Variants in GABRB3 observed in about 807,000 individuals in gnomAD.
The protein encoded by GABRB3 is gamma-aminobutyric acid type A receptor subunit beta3.
In GABRB3, 14 loss-of-function variants were observed where a neutral mutation model predicts 52.1. That is an observed-to-expected ratio of 0.27 (90% CI 0.18 to 0.42). The LOEUF (loss-of-function observed/expected upper bound fraction) is 0.42, where lower values mean the gene tolerates loss of function less well. Ranked by LOEUF, GABRB3 falls within the 10% of genes least tolerant of loss-of-function variation. GABRB3 has a pLI of 1.00. For synonymous variants in GABRB3, 260 were observed against 232.3 expected, an observed-to-expected ratio of 1.12 and a Z score of -1.08; for missense variants, 307 against 609.1, an observed-to-expected ratio of 0.50 and a Z score of 5.22.
At chr15:26,673,633 C>A (rs1177540869) in intron 3 of GABRB3, among the ~76,000 whole-genome samples, 1 of 152,228 alleles carries the variant, frequency 6.6e-6, no homozygotes, top group African/African-American at 2.4e-5. Context: ...ACTGTGAAAG[C>A]CACCAGAAGC....
intron 3 of GABRB3, among the ~76,000 whole-genome samples, chr15:26,664,428 G>A (rs1887640004): frequency 6.6e-6 from 1 of 152,170 alleles, no homozygotes; most frequent in South Asian, 2.1e-4. Context: ...ATGGGAGGAA[G>A]AGGGATACGC....
chr15:26,552,601 C>G (rs1043722315), intron 8 of GABRB3, among the ~76,000 whole-genome samples: 1 of 152,154 alleles, frequency 6.6e-6, no homozygotes, highest in African/African-American at 2.4e-5. Context: ...CATTCACTAT[C>G]CCTAAGAAGG....
intron 6 of GABRB3, among the ~76,000 whole-genome samples, chr15:26,570,488 C>A (rs1280291567): frequency 3.9e-5 from 6 of 152,222 alleles, no homozygotes; most frequent in Non-Finnish European, 8.8e-5. Context: ...TGTCATGCCA[C>A]AGTCAAAATC....
intron 3 of GABRB3, among the ~76,000 whole-genome samples, chr15:26,638,907 G>A (rs912430335): frequency 2.6e-5 from 4 of 152,102 alleles, no homozygotes; most frequent in Non-Finnish European, 4.4e-5. Context: ...ACGCTCCGCC[G>A]GGAACTAGGA....
chr15:26,734,023 C>CTTTT (rs61468831), intron 3 of GABRB3, among the ~76,000 whole-genome samples: 12 of 73,388 alleles, frequency 1.6e-4, no homozygotes, highest in Admixed American at 5.5e-4. Context: ...AACTATAGGG[C>CTTTT]TTTTTTTTTT....
intron 3 of GABRB3, among the ~76,000 whole-genome samples, chr15:26,723,089 A>G (rs1889685306): frequency 6.6e-6 from 1 of 152,190 alleles, no homozygotes; most frequent in South Asian, 2.1e-4. Context: ...TTCTGCAATC[A>G]TGGTAAGCAC....
intron 3 of GABRB3, among the ~76,000 whole-genome samples, chr15:26,753,065 C>G (rs1890559827): frequency 6.6e-6 from 1 of 152,194 alleles, no homozygotes; most frequent in Non-Finnish European, 1.5e-5. Context: ...GCTGCAGGCT[C>G]TGATACCTCT....
chr15:26,771,056 C>T (rs1405157837), intron 3 of GABRB3, among the ~76,000 whole-genome samples: 6 of 152,072 alleles, frequency 3.9e-5, no homozygotes. Context: ...AATTTAAAAG[C>T]TTTAGATTAA....
At chr15:26,670,740 T>C (rs1029613582) in intron 3 of GABRB3, among the ~76,000 whole-genome samples, 1 of 152,222 alleles carries the variant, frequency 6.6e-6, no homozygotes, top group African/African-American at 2.4e-5. Flanking sequence ...CATATATGCA[T>C]ACACAAGACA....
intron 3 of GABRB3, among the ~76,000 whole-genome samples, chr15:26,671,175 A>G (rs1389633149): frequency 1.3e-5 from 2 of 152,214 alleles, no homozygotes; most frequent in Non-Finnish European, 2.9e-5. Context: ...ATTTCCAAAA[A>G]TGTCCTCAGA....
rs113689945 is a variant in GABRB3, at chr15:26,772,996, G to A, written c.-34C>T. ...CGCGCCCCGGCACGGGGGAGGGGGC[G>A]CCCCGCCGCCGTCGCGACCCGCAGC... is the stretch of plus-strand genomic sequence containing the variant. On this transcript the variant is annotated 5_prime_UTR_variant, in exon 1 of 9. Transcript: ENST00000311550. 3 of 1,334,930 alleles carry A rather than the reference G, an allele frequency of 2.2e-6. No individual in the cohort carries two copies. Among genetic ancestry groups the A allele is most frequent in the Non-Finnish European group, 1.9e-6 (2 of 1,032,696 alleles). The allele number at this position is 1,334,930 out of a possible 1,614,324, so 82.7% of individuals were successfully genotyped here.
intron 3 of GABRB3, among the ~76,000 whole-genome samples, chr15:26,727,772 T>C (rs552031776): frequency 1.3e-5 from 2 of 152,338 alleles, no homozygotes; most frequent in South Asian, 4.2e-4. Context: ...TGACCTCATG[T>C]GTTCATACCA....
chr15:26,667,154 C>T (rs1887741597), intron 3 of GABRB3, among the ~76,000 whole-genome samples: 1 of 152,210 alleles, frequency 6.6e-6, no homozygotes, highest in South Asian at 2.1e-4. Context: ...CTCTGTTCTA[C>T]AGTGAAGGAA....
chr15:26,741,037 G>A (rs1267041483), intron 3 of GABRB3, among the ~76,000 whole-genome samples: 1 of 123,866 alleles, frequency 8.1e-6, no homozygotes, highest in African/African-American at 3.6e-5. Context: ...ATGGGCGAGG[G>A]AGGAATAAGT....
chr15:26,628,261 C>T (rs145722100), intron 3 of GABRB3, among the ~76,000 whole-genome samples: 3 of 152,336 alleles, frequency 2.0e-5, no homozygotes, highest in Non-Finnish European at 2.9e-5. Context: ...ACAGAACCTG[C>T]AGTATCTCTG....
At chr15:26,670,573 A>G (rs1887867340) in intron 3 of GABRB3, among the ~76,000 whole-genome samples, 1 of 152,194 alleles carries the variant, frequency 6.6e-6, no homozygotes, top group Non-Finnish European at 1.5e-5. Context: ...CGGCCGTCAC[A>G]GGAGCCCGCT....
chr15:26,739,855 G>A (rs995422769), intron 3 of GABRB3, among the ~76,000 whole-genome samples: 6 of 152,120 alleles, frequency 3.9e-5, no homozygotes, highest in Admixed American at 2.0e-4. Context: ...TTATAAAACA[G>A]AAAACAGGAT....
rs531877052 is a variant in GABRB3, at chr15:26,656,390, C to A, written c.241-34856G>T. On this transcript the variant is annotated intron_variant, in intron 3 of 8. Coordinates refer to ENST00000311550, the MANE Select transcript of GABRB3 (RefSeq NM_000814.6). The stretch of plus-strand genomic sequence containing the variant: ...CATAAAATCAGAGTCTCTCAGACAA[C>A]CTGAGGGGCATGATTTGTTTGCTGC... Among the ~76,000 whole-genome samples the A allele has an allele frequency of 2.6e-5, 4 of 152,314 alleles. No individual in the cohort carries two copies. The South Asian group carries it at 8.3e-4, about 32-fold the overall frequency.
intron 1 of GABRB3, 47 bp downstream of exon 1, chr15:26,772,836 G>A: frequency 2.1e-6 from 3 of 1,448,836 alleles, no homozygotes; most frequent in Admixed American, 2.5e-5. Flanking sequence ...AGCGCCCCGC[G>A]CACCCCGCGC....
Sources: gnomAD v4.1 joint callset for allele counts (sites outside exome capture counted in the v4.1 genomes callset) on GRCh38, gnomAD v4.1.1 for gene constraint, MANE v1.5 for transcripts, NCBI Gene and HGNC (gene_info 2026-07-23, HGNC 2026-07-21) for gene names.